Variants in VAV2 observed in about 807,000 individuals in gnomAD.
The protein encoded by VAV2 is guanine nucleotide exchange factor VAV2.
In VAV2, 67 loss-of-function variants were observed where a neutral mutation model predicts 132.5. The observed-to-expected ratio is 0.51, with a 90% confidence interval of 0.42 to 0.62. The LOEUF (loss-of-function observed/expected upper bound fraction) is 0.62, where lower values mean the gene tolerates loss of function less well. Among genes scored for constraint, VAV2 ranks in the 20% least tolerant of loss-of-function variants. The probability of loss-of-function intolerance (pLI) is 0.00; values close to 1 mark genes in which losing one functional copy is unlikely to be tolerated. For missense variants in VAV2, 938 were observed against 1,153.6 expected (o/e 0.81, Z 2.71); for synonymous variants, 492 against 443.5 (o/e 1.11, Z -1.37).
At chr9:133,811,457 C>T (rs1010909602) in intron 5 of VAV2, among the ~76,000 whole-genome samples, 13 of 152,234 alleles carry the variant, frequency 8.5e-5, no homozygotes, top group Non-Finnish European at 1.8e-4. Flanking sequence ...TGGCATCTCA[C>T]CCACTCTTGG....
intron 3 of VAV2, among the ~76,000 whole-genome samples, chr9:133,851,197 T>C (rs2428125): frequency 0.054 from 8,273 of 152,238 alleles, 585 homozygotes; most frequent in African/African-American, 0.16. Flanking sequence ...CAGCCATGTG[T>C]CGCATGGAAA....
chr9:133,782,207 A>G (rs900499859), intron 19 of VAV2, among the ~76,000 whole-genome samples: 1 of 152,124 alleles, frequency 6.6e-6, no homozygotes, highest in African/African-American at 2.4e-5. Flanking sequence ...CACGGGTGAT[A>G]CTTTCTTTAA....
intron 3 of VAV2, among the ~76,000 whole-genome samples, chr9:133,842,926 G>A (rs1428458961): frequency 3.3e-5 from 5 of 152,252 alleles, no homozygotes; most frequent in Admixed American, 6.5e-5. Context: ...CGCCAGACCC[G>A]TTTAATTATT....
chr9:133,925,677 C>T (rs1301622685), intron 2 of VAV2, among the ~76,000 whole-genome samples: 1 of 151,996 alleles, frequency 6.6e-6, no homozygotes, highest in Non-Finnish European at 1.5e-5. Context: ...CACACTTTGT[C>T]ATTCCAGAGC....
chr9:133,923,058 A>T (rs1357604708), intron 2 of VAV2, among the ~76,000 whole-genome samples: 3 of 152,238 alleles, frequency 2.0e-5, no homozygotes, highest in African/African-American at 7.2e-5. Flanking sequence ...TCCTCCAAAG[A>T]TGATGTAAAC....
chr9:133,809,365 T>C (rs905960413), intron 6 of VAV2, among the ~76,000 whole-genome samples: 3 of 152,110 alleles, frequency 2.0e-5, no homozygotes, highest in Admixed American at 2.0e-4. Context: ...GGATGTGACG[T>C]GGGGACAGTG....
At chr9:133,777,530 T>C (rs1833859279) in intron 22 of VAV2, 67 bp from the exon 23 acceptor site, 3 of 1,486,462 alleles carry the variant, frequency 2.0e-6, no homozygotes, top group Non-Finnish European at 1.9e-6. Flanking sequence ...TGGGGCCATT[T>C]AGACGGACTC....
intron 4 of VAV2, among the ~76,000 whole-genome samples, chr9:133,812,989 C>G (rs1412310300): frequency 1.3e-5 from 2 of 152,190 alleles, no homozygotes; most frequent in African/African-American, 4.8e-5. Flanking sequence ...GCGGATGAGC[C>G]TGGCCCCTCC....
intron 2 of VAV2, among the ~76,000 whole-genome samples, chr9:133,886,470 G>A (rs1006177789): frequency 6.6e-6 from 1 of 152,168 alleles, no homozygotes; most frequent in South Asian, 2.1e-4. Flanking sequence ...CTCTGGCCAG[G>A]GTCCAGCTCT....
chr9:133,835,971 TCCACCCATCA>T (rs1405473218), intron 3 of VAV2, among the ~76,000 whole-genome samples: 1 of 152,166 alleles, frequency 6.6e-6, no homozygotes, highest in Non-Finnish European at 1.5e-5. Context: ...TCTCCCTCCT[TCCACCCATCA>T]CCATACAGCA....
rs1343189477 is a variant in VAV2, at chr9:133,991,798, C to A, written c.204+277G>T. On this transcript the variant is annotated intron_variant, in intron 1 of 29. Transcript: ENST00000371850. This position sits in a 1 kb window ranked among gnomAD's most constrained non-coding sequence, Gnocchi z 4.8. ...GCGCAGCGCCGGAGCCTCCCCCATC[C>A]CAGGCCGCGCAGACCGCGGAACCGG... 6.6e-6 allele frequency among the ~76,000 whole-genome samples: 1 copy of A among 151,020 alleles called. No homozygotes were observed. Among genetic ancestry groups the A allele is most frequent in the Non-Finnish European group, 1.5e-5 (1 of 67,572 alleles).
At chr9:133,925,609 A>C (rs1189076593) in intron 2 of VAV2, among the ~76,000 whole-genome samples, 1 of 152,140 alleles carries the variant, frequency 6.6e-6, no homozygotes, top group Non-Finnish European at 1.5e-5. Flanking sequence ...AGGAATCTGC[A>C]TGTTTCGCCA....
intron 2 of VAV2, among the ~76,000 whole-genome samples, chr9:133,924,867 G>A (rs536727065): frequency 2.0e-5 from 3 of 152,354 alleles, no homozygotes; most frequent in Admixed American, 2.0e-4. Flanking sequence ...GATCCAAACA[G>A]TAAAATATGA....
intron 2 of VAV2, among the ~76,000 whole-genome samples, chr9:133,862,808 T>C (rs1837650255): frequency 6.6e-6 from 1 of 152,210 alleles, no homozygotes; most frequent in South Asian, 2.1e-4. Flanking sequence ...CCCAGCCAGA[T>C]GCACTCCCCA....
intron 1 of VAV2, among the ~76,000 whole-genome samples, chr9:133,990,968 C>T (rs1407187992): frequency 6.6e-6 from 1 of 152,170 alleles, no homozygotes; most frequent in African/African-American, 2.4e-5. Flanking sequence ...GCCCGGTCTC[C>T]TAGGAAACGC....
Position 133,809,070 on chromosome 9 carries a change from C to T in VAV2, c.636G>A (p.Lys212=). ...CAATGTCCTCCAGGGTGCGGTAGTA[C>T]TTGGCCTCGGTCTCCTGGATCTCCA... ...CLLEIQETEA[K]YYRTLEDIEK... The change falls in exon 7 of 30, where the codon AAG becomes AAA. Residue 212 remains lysine, a synonymous_variant. Coordinates refer to ENST00000371850, the MANE Select transcript of VAV2 (RefSeq NM_001134398.2). The T allele has an allele frequency of 1.9e-6, 3 of 1,614,054 alleles. No homozygotes were observed. The highest frequency in any genetic ancestry group is 2.5e-6 in the Non-Finnish European group (3 of 1,179,962).
At chr9:133,983,958 A>G (rs1202870687) in intron 1 of VAV2, among the ~76,000 whole-genome samples, 4 of 151,972 alleles carry the variant, frequency 2.6e-5, no homozygotes, top group Non-Finnish European at 5.9e-5. Flanking sequence ...CTGCAGGTGC[A>G]CTGTTTCTGT....
At chr9:133,779,207 C>A (rs1833919514) in intron 21 of VAV2, among the ~76,000 whole-genome samples, 1 of 152,264 alleles carries the variant, frequency 6.6e-6, no homozygotes, top group African/African-American at 2.4e-5. Flanking sequence ...GACGGGGGAT[C>A]CCTCGTGTCA....
intron 2 of VAV2, among the ~76,000 whole-genome samples, chr9:133,887,063 T>C (rs1588315059): frequency 6.7e-6 from 1 of 148,444 alleles, no homozygotes; most frequent in Non-Finnish European, 1.5e-5. Flanking sequence ...CCCAGAGGGG[T>C]TCCCTGGGGC....
Sources: allele counts gnomAD v4.1 joint callset (sites outside exome capture counted in the v4.1 genomes callset), GRCh38; gene constraint gnomAD v4.1.1; non-coding constraint Gnocchi (gnomAD v3.1); transcripts MANE v1.5; gene names NCBI Gene and HGNC (gene_info 2026-07-23, HGNC 2026-07-21).